DLL1: variants seen among roughly 807,000 people sequenced by gnomAD.
DLL1 encodes delta-like protein 1.
In DLL1, 9 loss-of-function variants were observed where a neutral mutation model predicts 75.1. The ratio of observed to expected loss-of-function variants is 0.12; its 90% CI spans 0.07 to 0.21. The LOEUF (loss-of-function observed/expected upper bound fraction) is 0.21, where lower values mean the gene tolerates loss of function less well. Among genes scored for constraint, DLL1 ranks in the 10% least tolerant of loss-of-function variants. The probability of loss-of-function intolerance (pLI) is 1.00; values close to 1 mark genes in which losing one functional copy is unlikely to be tolerated. For synonymous variants in DLL1, 477 were observed against 418.3 expected (o/e 1.14, Z -1.71); for missense variants, 837 against 1,007.6 (o/e 0.83, Z 2.29).
Position 170,283,553 on chromosome 6 carries a change from G to A in DLL1, c.1726C>T (p.His576Tyr), listed in dbSNP as rs778339510. 9.3e-6 allele frequency: 15 copies of A among 1,613,548 alleles called. No individual in the cohort carries two copies. In the Admixed American group the frequency reaches 1.5e-4, roughly 16 times the overall value. Residue 576 changes from histidine (H) to tyrosine (Y), a missense_variant, in exon 9 of 11, where the codon CAC becomes TAC. Transcript: ENST00000366756. ...CGGCAGGGGTCGGCTGGGGGCCGGT[G>A]CTTCTGCAGCCTCAGCCGGACGCAG... ...VVCVRLRLQK[H>Y]RPPADPCRGE... is the part of the protein sequence containing the mutation.
At position 170,291,003 on chromosome 6, in the gene DLL1, C is replaced by T. The variant is rs1783853740; in HGVS notation, c.-864G>A. The T allele has an allele frequency of 1.4e-6, 1 of 701,986 alleles. No homozygotes were observed. Among genetic ancestry groups the T allele is most frequent in the Non-Finnish European group, 2.6e-6 (1 of 384,622 alleles). 43.5% of individuals were successfully genotyped at this position (701,986 alleles called of 1,614,324 possible). A position where few individuals can be genotyped will look rare whatever the true frequency, so the allele number is the denominator to read the frequency against. ...GCTAATGAGATGCAAATCAGCAGCC[C>T]CCCAATCTGGCGAGAGCTGTCACAA... is the stretch of plus-strand genomic sequence containing the variant. On this transcript the variant is annotated 5_prime_UTR_variant, in exon 1 of 11. Coordinates refer to ENST00000366756, the MANE Select transcript of DLL1 (RefSeq NM_005618.4).
chr6:170,283,681 G>A lies in DLL1; in HGVS notation c.1598C>T (p.Thr533Ile). 2 of 1,570,806 alleles carry A rather than the reference G, an allele frequency of 1.3e-6. No individual in the cohort carries two copies. Among genetic ancestry groups the A allele is most frequent in the Non-Finnish European group, 1.7e-6 (2 of 1,158,350 alleles). Residue 533 changes from threonine to isoleucine, a missense_variant, in exon 9 of 11, where the codon ACT (threonine) becomes ATT (isoleucine). Physicochemically the swap from Thr to Ile is moderately conservative, Grantham distance 89. Coordinates refer to ENST00000366756, the MANE Select transcript of DLL1 (RefSeq NM_005618.4). ...LPPGPAVVDLTEKLEGQGGPF... is the reference protein window; with the variant it reads ...LPPGPAVVDLIEKLEGQGGPF... ...CCCGCCCTGGCCCTCTAGCTTCTCA[G>A]TGAGGTCCACCACCGCTGGGCCCGG...
intron 8 of DLL1, 88 bp downstream of exon 8, chr6:170,284,831 G>A (rs936508168): frequency 1.1e-4 from 138 of 1,300,148 alleles, no homozygotes; most frequent in Non-Finnish European, 1.4e-4. Context: ...TCATAAACTC[G>A]AGGTCACTCA....
rs1224299754 is a variant in DLL1, at chr6:170,290,210, G to C, written c.-71C>G. The C allele has an allele frequency of 1.3e-6, 2 of 1,552,778 alleles. No individual in the cohort carries two copies. The highest frequency in any genetic ancestry group is 2.8e-5 in the African/African-American group (2 of 72,556). On this transcript the variant is annotated 5_prime_UTR_variant, in exon 1 of 11. Coordinates refer to ENST00000366756, the MANE Select transcript of DLL1 (RefSeq NM_005618.4). The surrounding 1 kb of genome is among the most constrained non-coding windows in gnomAD (Gnocchi z 4.7). Reference sequence around the variant, plus strand: ...CTTAGAACAGCGGCGGACGCGCGGGGGATCGATGGGCCACGGGGAGCGTGG... The same window carrying C: ...CTTAGAACAGCGGCGGACGCGCGGGCGATCGATGGGCCACGGGGAGCGTGG...
chr6:170,289,217 G>A (rs1316956550), intron 2 of DLL1: 1 of 659,252 alleles, frequency 1.5e-6, no homozygotes, highest in South Asian at 1.5e-5. Context: ...ACGTGAAGGG[G>A]CGCCTCTGAC....
chr6:170,288,562 G>A (rs1173250350), intron 3 of DLL1, 66 bp from the exon 4 acceptor site: 5 of 1,613,644 alleles, frequency 3.1e-6, no homozygotes, highest in Admixed American at 3.3e-5. Context: ...CAGAGCGGGG[G>A]TGGGCCGAGA....
At chr6:170,288,201 T>C in intron 4 of DLL1, 38 bp downstream of exon 4, 1 of 1,613,480 alleles carries the variant, frequency 6.2e-7, no homozygotes, top group South Asian at 1.1e-5. Flanking sequence ...TCCGTGTTCG[T>C]GGACGAGTGA....
In DLL1 at chr6:170,288,186, C is replaced by T. The variant is rs534636493; in HGVS notation, c.670+53G>A. ...TGGCTCAGGAAGCCCCGTCCCTGCG[C>T]GCGGTCCGTGTTCGTGGACGAGTGA... On this transcript the variant is annotated intron_variant, in intron 4 of 10. Transcript: ENST00000366756. 590 of 1,612,832 alleles carry T rather than the reference C, an allele frequency of 3.7e-4. 3 individuals are homozygous for T. In the African/African-American group the frequency reaches 6.8e-3, roughly 19 times the overall value.
chr6:170,288,828 G>A (rs768032650), intron 2 of DLL1, 39 bp from the exon 3 acceptor site: 3 of 1,612,230 alleles, frequency 1.9e-6, no homozygotes, highest in Non-Finnish European at 1.7e-6. Context: ...AACCCAGAAA[G>A]GTAACGAAAA....
At chr6:170,285,726 G>A in intron 5 of DLL1, 27 bp from the exon 6 acceptor site, 1 of 1,614,018 alleles carries the variant, frequency 6.2e-7, no homozygotes. Context: ...AGACTCAGAT[G>A]GACGTTGACT....
At chr6:170,288,184 C>T (rs748271905) in intron 4 of DLL1, 55 bp downstream of exon 4, 90 of 1,612,396 alleles carry the variant, frequency 5.6e-5, no homozygotes, top group Middle Eastern at 1.7e-4. Context: ...CCCGTCCCTG[C>T]GCGCGGTCCG....
intron 4 of DLL1, 155 bp downstream of exon 4, chr6:170,288,084 T>G: frequency 8.9e-7 from 1 of 1,129,542 alleles, no homozygotes; most frequent in Non-Finnish European, 1.3e-6. Context: ...TGACGAGCTG[T>G]GACTTATAGC....
chr6:170,289,322 G>A (rs1261532804), intron 2 of DLL1, 190 bp downstream of exon 2: 41 of 967,412 alleles, frequency 4.2e-5, no homozygotes, highest in Non-Finnish European at 5.3e-5. Flanking sequence ...CAGGCCGCGG[G>A]GCCCCGGGGC....
Position 170,283,369 on chromosome 6 carries a change from G to A in DLL1, c.1910C>T (p.Pro637Leu), listed in dbSNP as rs779716022. ...CTGCACGAGGTTATAGTCCACCGCTGGGTAGCGGGCCTTGAAGCCATTCTT... is the reference window on the plus strand; with the variant it reads ...CTGCACGAGGTTATAGTCCACCGCTAGGTAGCGGGCCTTGAAGCCATTCTT... ...ADKNGFKARY[P>L]AVDYNLVQDL... Residue 637 changes from proline (P) to leucine (L), a missense_variant, in exon 9 of 11, where the codon CCA becomes CTA. Transcript: ENST00000366756. The A allele has an allele frequency of 1.2e-6, 2 of 1,612,140 alleles. No individual in the cohort carries two copies. Among genetic ancestry groups the A allele is most frequent in the Admixed American group, 1.7e-5 (1 of 60,036 alleles).
rs1478811541 is a variant in DLL1 at position 170,290,209 on chromosome 6, G to A, written c.-70C>T. On this transcript the variant is annotated 5_prime_UTR_variant, in exon 1 of 11. Coordinates refer to ENST00000366756, the MANE Select transcript of DLL1 (RefSeq NM_005618.4). The surrounding 1 kb of genome is among the most constrained non-coding windows in gnomAD (Gnocchi z 4.7). Reference sequence around the variant, plus strand: ...CCTTAGAACAGCGGCGGACGCGCGGGGGATCGATGGGCCACGGGGAGCGTG... The same window carrying A: ...CCTTAGAACAGCGGCGGACGCGCGGAGGATCGATGGGCCACGGGGAGCGTG... 2.1e-5 allele frequency: 32 copies of A among 1,553,444 alleles called. No homozygotes were observed. Among genetic ancestry groups the A allele is most frequent in the Non-Finnish European group, 1.7e-5 (20 of 1,151,120 alleles).
Position 170,282,454 on chromosome 6 carries a change from T to C in DLL1, c.*420A>G. ...AAAATATTTTTACAAATCCAAAAAA[T>C]AACACACATCTTTTCCATCTAGAAA... is the stretch of plus-strand genomic sequence containing the variant. On this transcript the variant is annotated 3_prime_UTR_variant, in exon 11 of 11. Coordinates refer to ENST00000366756, the MANE Select transcript of DLL1 (RefSeq NM_005618.4). The C allele has an allele frequency of 4.1e-6, 1 of 241,026 alleles. No individual in the cohort carries two copies. Among genetic ancestry groups the C allele is most frequent in the East Asian group, 9.1e-5 (1 of 10,982 alleles). 14.9% of individuals were successfully genotyped at this position (241,026 alleles called of 1,614,324 possible). A position where few individuals can be genotyped will look rare whatever the true frequency, so the allele number is the denominator to read the frequency against.
chr6:170,289,499 G>A lies in DLL1; in HGVS notation c.351+13C>T. 1 of 1,533,590 alleles carries A rather than the reference G, an allele frequency of 6.5e-7. No individual in the cohort carries two copies. Among genetic ancestry groups the A allele is most frequent in the Non-Finnish European group, 8.7e-7 (1 of 1,145,768 alleles). 95.0% of individuals were successfully genotyped at this position (1,533,590 alleles called of 1,614,324 possible). A position where few individuals can be genotyped will look rare whatever the true frequency, so the allele number is the denominator to read the frequency against. ...TTCAGGGCCGGCCCGGCGCGCGCAG[G>A]TGCGGCACTCACCGGCCAGGTGAAG... On this transcript the variant is annotated intron_variant, in intron 2 of 10. Coordinates refer to ENST00000366756, the MANE Select transcript of DLL1 (RefSeq NM_005618.4).
chr6:170,284,883 C>A, intron 8 of DLL1, 36 bp downstream of exon 8: 1 of 1,604,638 alleles, frequency 6.2e-7, no homozygotes, highest in Non-Finnish European at 8.5e-7. Context: ...TGACCGCTCG[C>A]CCGAGTCTCT....
Position 170,290,207 on chromosome 6 carries a change from G to T in DLL1, c.-68C>A, listed in dbSNP as rs560008859. 490 of 1,559,168 alleles carry T rather than the reference G, an allele frequency of 3.1e-4. 1 individual carries two copies. The African/African-American group carries it at 5.3e-3, about 17-fold the overall frequency. On this transcript the variant is annotated 5_prime_UTR_variant, in exon 1 of 11. Coordinates refer to ENST00000366756, the MANE Select transcript of DLL1 (RefSeq NM_005618.4). This position sits in a 1 kb window ranked among gnomAD's most constrained non-coding sequence, Gnocchi z 4.7. ...CTCCTTAGAACAGCGGCGGACGCGC[G>T]GGGGATCGATGGGCCACGGGGAGCG...
Sources: allele counts gnomAD v4.1 joint callset, GRCh38; gene constraint gnomAD v4.1.1; non-coding constraint Gnocchi (gnomAD v3.1); transcripts MANE v1.5; gene names NCBI Gene and HGNC (gene_info 2026-07-23, HGNC 2026-07-21).